Variants in FETUB observed in about 807,000 individuals in gnomAD.
FETUB encodes fetuin-B.
In FETUB, 28 loss-of-function variants were observed where a neutral mutation model predicts 30.9. The ratio of observed to expected loss-of-function variants is 0.90; its 90% CI spans 0.67 to 1.24. The LOEUF (loss-of-function observed/expected upper bound fraction) is 1.24. Ranked by LOEUF, FETUB falls within the 50% of genes most tolerant of loss-of-function variation. FETUB has a pLI of 0.00. For missense variants in FETUB, 469 were observed against 455.3 expected, an observed-to-expected ratio of 1.03 and a Z score of -0.27; for synonymous variants, 186 against 175.9, an observed-to-expected ratio of 1.06 and a Z score of -0.45.
chr3:186,652,238 A>G (rs1174842247), intron 6 of FETUB, 25 bp from the exon 7 acceptor site: 2 of 1,530,214 alleles, frequency 1.3e-6, no homozygotes, highest in South Asian at 1.3e-5. Flanking sequence ...GTGGAACTCT[A>G]CATTCAAAAA....
chr3:186,648,802 C>T (rs1717755753), intron 5 of FETUB, among the ~76,000 whole-genome samples: 1 of 152,064 alleles, frequency 6.6e-6, no homozygotes, highest in South Asian at 2.1e-4. Flanking sequence ...TTGGATTGTT[C>T]ATTGAAAGTG....
At chr3:186,638,989 T>C (rs1322000986), upstream of FETUB, among the ~76,000 whole-genome samples, 1 of 152,218 alleles carries the variant, frequency 6.6e-6, no homozygotes, top group Non-Finnish European at 1.5e-5. Context: ...CAATCAATCC[T>C]CAAAAACTAT....
intron 1 of FETUB, 31 bp from the exon 2 acceptor site, chr3:186,640,999 A>G (rs970129111): frequency 2.9e-6 from 4 of 1,390,864 alleles, no homozygotes; most frequent in African/African-American, 1.4e-5. Flanking sequence ...TTCCTGTGAA[A>G]TGTATTGCAT....
At chr3:186,649,310 A>T (rs962091777) in intron 5 of FETUB, among the ~76,000 whole-genome samples, 1 of 152,114 alleles carries the variant, frequency 6.6e-6, no homozygotes, top group African/African-American at 2.4e-5. Flanking sequence ...ACAAAGTAAT[A>T]TTTAGGCAAT....
upstream of FETUB, among the ~76,000 whole-genome samples, chr3:186,638,771 C>T (rs1716850374): frequency 6.6e-6 from 1 of 152,194 alleles, no homozygotes; most frequent in Non-Finnish European, 1.5e-5. Context: ...GTTCTGCATC[C>T]TCAGGCCCCA....
chr3:186,652,731 A>G lies in FETUB; in HGVS notation c.*100A>G. The G allele has an allele frequency of 7.1e-7, 1 of 1,399,164 alleles. No homozygotes were observed. 86.7% of individuals were successfully genotyped at this position (1,399,164 alleles called of 1,614,324 possible). A position where few individuals can be genotyped will look rare whatever the true frequency, so the allele number is the denominator to read the frequency against. ...CAGAGCGTGCACACGTAGAGTGGCT[A>G]GTGAAGGACGCCTTTTTGACTCTTC... On this transcript the variant is annotated 3_prime_UTR_variant, in exon 7 of 7. Coordinates refer to ENST00000265029, the MANE Select transcript of FETUB (RefSeq NM_014375.3).
At chr3:186,639,510 T>C (rs1304792060), upstream of FETUB, among the ~76,000 whole-genome samples, 2 of 152,206 alleles carry the variant, frequency 1.3e-5, no homozygotes. Context: ...TAACCTCTTC[T>C]AGAGGCTTCT....
chr3:186,640,992 C>T (rs778315353), intron 1 of FETUB, 38 bp from the exon 2 acceptor site: 19 of 1,330,304 alleles, frequency 1.4e-5, no homozygotes, highest in East Asian at 6.9e-5. Context: ...TTTCTACTTC[C>T]TGTGAAATGT....
At chr3:186,646,520 G>A (rs1207238369) in intron 5 of FETUB, among the ~76,000 whole-genome samples, 171 bp downstream of exon 5, 1 of 152,200 alleles carries the variant, frequency 6.6e-6, no homozygotes, top group Non-Finnish European at 1.5e-5. Context: ...TCAATTGTAA[G>A]TGCAACTTTC....
upstream of FETUB, among the ~76,000 whole-genome samples, chr3:186,637,954 G>C (rs1716823371): frequency 6.6e-6 from 1 of 152,204 alleles, no homozygotes; most frequent in Admixed American, 6.5e-5. Context: ...TGCAACTCTT[G>C]AGCGTCTTAA....
chr3:186,643,542 G>C (rs1334485499), intron 3 of FETUB, among the ~76,000 whole-genome samples: 1 of 152,180 alleles, frequency 6.6e-6, no homozygotes, highest in Non-Finnish European at 1.5e-5. Context: ...TGGTTGCTTT[G>C]AATAACAAGG....
At chr3:186,651,861 C>G (rs1718069016) in intron 6 of FETUB, 1 of 170,162 alleles carries the variant, frequency 5.9e-6, no homozygotes, top group Non-Finnish European at 1.3e-5. Flanking sequence ...GACACTGCAT[C>G]ATTCAGATCC....
At position 186,640,528 on chromosome 3, in the gene FETUB, A is replaced by T; in HGVS notation, c.68A>T (p.Gln23Leu). The T allele has an allele frequency of 1.2e-6, 2 of 1,614,186 alleles. No homozygotes were observed. Among genetic ancestry groups the T allele is most frequent in the Non-Finnish European group, 1.7e-6 (2 of 1,180,022 alleles). Reference sequence around the variant, plus strand: ...TGCTGCGGAGCAATGTCTCCACCCCAGCTGGCCCTCAACCCCTCGGCTCTG... The same window carrying T: ...TGCTGCGGAGCAATGTCTCCACCCCTGCTGGCCCTCAACCCCTCGGCTCTG... ...VLCCGAMSPP[Q>L]LALNPSALLS... The change falls in exon 1 of 7, where the codon CAG becomes CTG. Residue 23 changes from glutamine to leucine, a missense_variant. By Grantham distance (113) the Gln-to-Leu change is moderately radical. Transcript: ENST00000265029.
chr3:186,651,607 G>T, intron 6 of FETUB: 2 of 344,888 alleles, frequency 5.8e-6, no homozygotes, highest in East Asian at 6.0e-5. Flanking sequence ...CAAGCCACAG[G>T]GAGAAGTTAT....
intron 3 of FETUB, among the ~76,000 whole-genome samples, chr3:186,642,765 C>G (rs1479569301): frequency 6.6e-6 from 1 of 152,180 alleles, no homozygotes; most frequent in East Asian, 1.9e-4. Context: ...ACTAAACTAC[C>G]TCTACATTTA....
At chr3:186,637,535 A>G (rs79853091), upstream of FETUB, among the ~76,000 whole-genome samples, 468 of 152,258 alleles carry the variant, frequency 3.1e-3, 4 homozygotes, top group African/African-American at 0.011. Flanking sequence ...ATCCTAAGTC[A>G]CTGCCCTGGA....
At chr3:186,640,780 T>A in intron 1 of FETUB, 95 bp downstream of exon 1, 4 of 1,038,506 alleles carry the variant, frequency 3.9e-6, no homozygotes, top group Non-Finnish European at 6.0e-6. Context: ...TGGCAGGTGT[T>A]TTCTGTATTG....
chr3:186,647,468 G>C (rs1190898743), intron 5 of FETUB, among the ~76,000 whole-genome samples: 2 of 152,076 alleles, frequency 1.3e-5, no homozygotes, highest in East Asian at 3.8e-4. Context: ...AATGTATGAG[G>C]GTTTCAATTT....
intron 2 of FETUB, chr3:186,641,469 G>A (rs193032755): frequency 3.3e-5 from 7 of 211,240 alleles, no homozygotes; most frequent in East Asian, 2.3e-4. Context: ...TATTCTGGAC[G>A]TGGGGTTAAT....
Sources: gnomAD v4.1 joint callset for allele counts (sites outside exome capture counted in the v4.1 genomes callset) on GRCh38, gnomAD v4.1.1 for gene constraint, MANE v1.5 for transcripts, NCBI Gene and HGNC (gene_info 2026-07-23, HGNC 2026-07-21) for gene names.